The following PSD3 variants were observed in gnomAD, a reference collection of about 807,000 sequenced individuals.
PSD3 encodes pleckstrin and Sec7 domain containing 3.
In PSD3, 49 loss-of-function variants were observed where a neutral mutation model predicts 105.5. The observed-to-expected ratio is 0.46, with a 90% CI of 0.37 to 0.59. The LOEUF (loss-of-function observed/expected upper bound fraction) is 0.59, where lower values mean the gene tolerates loss of function less well. PSD3 is among the 20% of genes least tolerant of loss of function. PSD3 has a pLI of 0.00. For synonymous variants in PSD3, 557 were observed against 457.8 expected (o/e 1.22, Z -2.77); for missense variants, 1,561 against 1,263.8 (o/e 1.24, Z -3.57).
intron 2 of PSD3, among the ~76,000 whole-genome samples, chr8:18,904,359 G>A (rs2129461738): frequency 6.6e-6 from 1 of 152,294 alleles, no homozygotes; most frequent in African/African-American, 2.4e-5. Flanking sequence ...AAAGCTGCAG[G>A]CATTGCACTC....
At chr8:18,741,133 G>T (rs1312703794) in intron 9 of PSD3, among the ~76,000 whole-genome samples, 1 of 152,202 alleles carries the variant, frequency 6.6e-6, no homozygotes, top group African/African-American at 2.4e-5. Flanking sequence ...GAGTAAGAGG[G>T]AGATGAGAGT....
intron 1 of PSD3, among the ~76,000 whole-genome samples, chr8:19,020,092 T>C (rs1827316627): frequency 6.6e-6 from 1 of 152,200 alleles, no homozygotes; most frequent in East Asian, 1.9e-4. Flanking sequence ...TTCATTCATG[T>C]GACAAATATT....
chr8:18,931,818 G>C (rs993587219), intron 2 of PSD3, among the ~76,000 whole-genome samples: 9 of 152,262 alleles, frequency 5.9e-5, no homozygotes, highest in African/African-American at 2.2e-4. Context: ...TTCTAACACA[G>C]CACATTTATA....
chr8:18,582,222 G>A (rs1485831898), intron 12 of PSD3, among the ~76,000 whole-genome samples: 19 of 152,152 alleles, frequency 1.2e-4, no homozygotes, highest in Non-Finnish European at 1.0e-4. Flanking sequence ...TGTCCTCTCT[G>A]CCTCTGCATC....
chr8:18,696,902 C>T (rs1347158463), intron 9 of PSD3, among the ~76,000 whole-genome samples: 1 of 152,124 alleles, frequency 6.6e-6, no homozygotes, highest in Non-Finnish European at 1.5e-5. Flanking sequence ...GTAAAATTAA[C>T]TTTAACGATG....
chr8:18,623,635 C>T lies in PSD3; in HGVS notation c.2410+8978G>A, dbSNP rs114642423. ...CTCCAGCCTGGGTTACTGAGCGAGACTCCATCTCAGAAAAAAAAAAAAAAA... is the reference window on the plus strand; with the variant it reads ...CTCCAGCCTGGGTTACTGAGCGAGATTCCATCTCAGAAAAAAAAAAAAAAA... On this transcript the variant is annotated intron_variant, in intron 11 of 15. Coordinates refer to ENST00000327040, the MANE Select transcript of PSD3 (RefSeq NM_015310.4). Among the ~76,000 whole-genome samples, 676 of 142,952 alleles carry T rather than the reference C, an allele frequency of 4.7e-3. 5 individuals carry two copies. The highest frequency in any genetic ancestry group is 0.017 in the African/African-American group (632 of 38,056). 93.8% of individuals were successfully genotyped at this position (142,952 alleles called of 152,430 possible).
intron 9 of PSD3, among the ~76,000 whole-genome samples, chr8:18,688,075 T>G (rs1800761040): frequency 6.6e-6 from 1 of 152,038 alleles, no homozygotes; most frequent in Non-Finnish European, 1.5e-5. Context: ...GGTCTATTTT[T>G]GCTATTTTTA....
chr8:18,803,141 G>T (rs1810859559), intron 6 of PSD3: 1 of 218,210 alleles, frequency 4.6e-6, no homozygotes. Context: ...CAAATAATTA[G>T]CCAGGTGTGG....
intron 1 of PSD3, among the ~76,000 whole-genome samples, chr8:19,083,376 G>C (rs1395614398): frequency 3.9e-5 from 6 of 152,182 alleles, no homozygotes; most frequent in African/African-American, 1.4e-4. Context: ...TGCGGAGTGT[G>C]AGATGCTAAC....
At chr8:18,851,685 T>TGCAGGGAGGGACCGAGCTGC (rs1815579609) in intron 4 of PSD3, among the ~76,000 whole-genome samples, 1 of 152,194 alleles carries the variant, frequency 6.6e-6, no homozygotes, top group Non-Finnish European at 1.5e-5. Context: ...GCCACGGAAT[T>TGCAGGGAGGGACCGAGCTGC]GCAGGGAGGG....
chr8:18,937,902 T>C (rs1012460190), intron 1 of PSD3, among the ~76,000 whole-genome samples: 1 of 152,000 alleles, frequency 6.6e-6, no homozygotes, highest in Non-Finnish European at 1.5e-5. Flanking sequence ...CAGCGACATA[T>C]TGGCGGGAAG....
At chr8:19,045,420 A>G (rs1453884629) in intron 1 of PSD3, among the ~76,000 whole-genome samples, 1 of 152,208 alleles carries the variant, frequency 6.6e-6, no homozygotes, top group Non-Finnish European at 1.5e-5. Flanking sequence ...AAAAGTGTTA[A>G]GGGAGGTGAG....
At chr8:18,821,465 G>T (rs1812696087) in intron 4 of PSD3, among the ~76,000 whole-genome samples, 1 of 151,904 alleles carries the variant, frequency 6.6e-6, no homozygotes, top group Non-Finnish European at 1.5e-5. Flanking sequence ...AAAAATTACA[G>T]GTTGGATGAA....
In PSD3 at chr8:18,548,739, T is replaced by C. The variant is rs140378654; in HGVS notation, c.2928+7470A>G. Among the ~76,000 whole-genome samples, 13 of 152,194 alleles carry C rather than the reference T, an allele frequency of 8.5e-5. No individual in the cohort carries two copies. The East Asian group carries it at 2.3e-3, about 27-fold the overall frequency. ...GCACTTGCTATCTGCAGTGCATGCA[T>C]TGGGAGCTGGCTTGGGGTGGGGATG... is the stretch of plus-strand genomic sequence containing the variant. On this transcript the variant is annotated intron_variant, in intron 15 of 15. Coordinates refer to ENST00000327040, the MANE Select transcript of PSD3 (RefSeq NM_015310.4).
rs568441293 is a variant in PSD3, at chr8:18,834,609, C to T, written c.1635-29711G>A. Among the ~76,000 whole-genome samples the T allele has an allele frequency of 2.6e-4, 40 of 152,228 alleles. 1 individual carries two copies. Among genetic ancestry groups the T allele is most frequent in the Admixed American group, 2.2e-3 (33 of 15,300 alleles). ...ACCCTAGAAATCTGGGCCGCGGATA[C>T]CCATGCACTTAAACTATGACTGGGT... On this transcript the variant is annotated intron_variant, in intron 4 of 15. Transcript: ENST00000327040.
chr8:18,671,372 A>T (rs1016857611), intron 9 of PSD3, among the ~76,000 whole-genome samples: 4 of 152,198 alleles, frequency 2.6e-5, no homozygotes, highest in Non-Finnish European at 4.4e-5. Context: ...TACATGAGAC[A>T]CACTAAAAAT....
rs145524090 is a variant in PSD3, at chr8:19,075,664, G to A, written c.324+8542C>T. Among the ~76,000 whole-genome samples, 514 of 152,222 alleles carry A rather than the reference G, an allele frequency of 3.4e-3. 3 individuals carry two copies. Among genetic ancestry groups the A allele is most frequent in the African/African-American group, 0.011 (471 of 41,522 alleles). ...ATGGTCACTTTTTTCCTTAAATTACGATGTGCAGATAGTAACTTGGACAGT... is the reference window on the plus strand; with the variant it reads ...ATGGTCACTTTTTTCCTTAAATTACAATGTGCAGATAGTAACTTGGACAGT... On this transcript the variant is annotated intron_variant, in intron 1 of 1. Transcript: ENST00000521475.
At chr8:19,082,230 A>C (rs189769650) in intron 1 of PSD3, among the ~76,000 whole-genome samples, 9 of 152,258 alleles carry the variant, frequency 5.9e-5, no homozygotes, top group South Asian at 2.1e-4. Context: ...ACAGGATCTA[A>C]GGGTGCTAAC....
chr8:18,621,536 C>A (rs1204894372), intron 11 of PSD3, among the ~76,000 whole-genome samples: 1 of 152,192 alleles, frequency 6.6e-6, no homozygotes, highest in East Asian at 1.9e-4. Context: ...AGAACTTAAT[C>A]TTTTAGTCTA....
Sources: allele counts gnomAD v4.1 joint callset (sites outside exome capture counted in the v4.1 genomes callset), GRCh38; gene constraint gnomAD v4.1.1; transcripts MANE v1.5; gene names NCBI Gene and HGNC (gene_info 2026-07-23, HGNC 2026-07-21).